RBFOX3: variants seen among roughly 807,000 people sequenced by gnomAD.
RBFOX3 encodes RNA binding fox-1 homolog 3.
A neutral mutation model predicts 48.7 loss-of-function variants in RBFOX3; 17 were observed. The ratio of observed to expected loss-of-function variants is 0.35; its 90% CI spans 0.24 to 0.52. The LOEUF (loss-of-function observed/expected upper bound fraction) is 0.52. RBFOX3 is among the 20% of genes least tolerant of loss of function. The pLI is 0.94. For missense variants in RBFOX3, 382 were observed against 497.5 expected (o/e 0.77, Z 2.21); for synonymous variants, 212 against 209.5 (o/e 1.01, Z -0.10).
rs569223324 is a variant in RBFOX3 at position 79,443,294 on chromosome 17, G to C, written c.-175+39160C>G. Among the ~76,000 whole-genome samples the C allele has an allele frequency of 7.2e-5, 11 of 152,380 alleles. No individual in the cohort carries two copies. In the South Asian group the frequency reaches 2.3e-3, roughly 32 times the overall value. On this transcript the variant is annotated intron_variant, in intron 2 of 14. Coordinates refer to ENST00000693108, the MANE Select transcript of RBFOX3 (RefSeq NM_001350451.2). The surrounding 1 kb of genome is among the most constrained non-coding windows in gnomAD (Gnocchi z 4.4). ...CTCTGCCACCGGCCTCGCCACGGGG[G>C]AGACCAGGCCAAGGCCTTGCCAAAC...
chr17:79,090,923 C>A, intron 14 of RBFOX3, 38 bp from the exon 15 acceptor site: 1 of 1,528,064 alleles, frequency 6.5e-7, no homozygotes. Context: ...TGCAGCTTCT[C>A]GGGGGAGGCA....
intron 2 of RBFOX3, among the ~76,000 whole-genome samples, chr17:79,408,852 T>G (rs746489826): frequency 6.6e-6 from 1 of 152,232 alleles, no homozygotes; most frequent in Non-Finnish European, 1.5e-5. Flanking sequence ...AAATTCACAT[T>G]ACACCAAATT....
At chr17:79,403,346 A>G (rs1027134556) in intron 2 of RBFOX3, among the ~76,000 whole-genome samples, 28 of 152,304 alleles carry the variant, frequency 1.8e-4, no homozygotes, top group Admixed American at 1.5e-3. Flanking sequence ...GCTGCCCCTG[A>G]GGTCAGGGAT....
chr17:79,288,228 G>A (rs1051220249), intron 3 of RBFOX3, among the ~76,000 whole-genome samples: 10 of 152,174 alleles, frequency 6.6e-5, no homozygotes, highest in Non-Finnish European at 2.9e-5. Flanking sequence ...CGGGGCCAGG[G>A]AAGCTCACCA....
chr17:79,093,474 C>T (rs970791094), intron 14 of RBFOX3, among the ~76,000 whole-genome samples: 19 of 151,694 alleles, frequency 1.3e-4, no homozygotes, highest in Admixed American at 3.3e-4. Flanking sequence ...CGGGTGGGGC[C>T]GCACCAGACC....
At chr17:79,176,108 A>G (rs916759226) in intron 4 of RBFOX3, among the ~76,000 whole-genome samples, 3 of 152,194 alleles carry the variant, frequency 2.0e-5, no homozygotes, top group African/African-American at 2.4e-5. Flanking sequence ...CGGCAGCTCC[A>G]GGAGGAATTT....
At position 79,349,429 on chromosome 17, in the gene RBFOX3, C is replaced by T. The variant is rs76352768; in HGVS notation, c.-174-41605G>A. On this transcript the variant is annotated intron_variant, in intron 2 of 14. Transcript: ENST00000693108. Reference sequence around the variant, plus strand: ...TCCTGCTTCTGTCTGTCACCTCTCACTCTCCTCCTCACTTCTCCCACCTTC... The same window carrying T: ...TCCTGCTTCTGTCTGTCACCTCTCATTCTCCTCCTCACTTCTCCCACCTTC... 5.5e-3 allele frequency among the ~76,000 whole-genome samples: 844 copies of T among 152,120 alleles called. 4 individuals carry two copies. Among genetic ancestry groups the T allele is most frequent in the African/African-American group, 0.019 (768 of 41,506 alleles).
At chr17:79,513,246 A>G (rs1370191917) in intron 1 of RBFOX3, among the ~76,000 whole-genome samples, 13 of 146,794 alleles carry the variant, frequency 8.9e-5, no homozygotes, top group South Asian at 6.8e-4. Context: ...CATCAGGTAC[A>G]GCCCCATGGC....
Position 79,479,574 on chromosome 17 carries a change from G to A in RBFOX3, c.-175+2880C>T, listed in dbSNP as rs1598876572. 6.6e-6 allele frequency among the ~76,000 whole-genome samples: 1 copy of A among 152,224 alleles called. No individual in the cohort carries two copies. The highest frequency in any genetic ancestry group is 1.5e-5 in the Non-Finnish European group (1 of 68,044). On this transcript the variant is annotated intron_variant, in intron 2 of 14. Coordinates refer to ENST00000693108, the MANE Select transcript of RBFOX3 (RefSeq NM_001350451.2). The surrounding 1 kb of genome is among the most constrained non-coding windows in gnomAD (Gnocchi z 5.1). ...ACACCTTTGGAATCAACAAGGGGCT[G>A]GACAGTGAACACACCGAGGGAAGCA...
chr17:79,261,543 C>A (rs1002080078), intron 3 of RBFOX3, among the ~76,000 whole-genome samples: 1 of 152,214 alleles, frequency 6.6e-6, no homozygotes, highest in Non-Finnish European at 1.5e-5. Context: ...TCTCTCTCCC[C>A]GGCACAGGAT....
intron 4 of RBFOX3, among the ~76,000 whole-genome samples, chr17:79,209,256 C>A (rs1376144357): frequency 6.6e-6 from 1 of 152,192 alleles, no homozygotes; most frequent in African/African-American, 2.4e-5. Flanking sequence ...AGGAGCAGGC[C>A]AGTGCCTCCT....
chr17:79,586,796 C>A (rs1393470130), intron 1 of RBFOX3, among the ~76,000 whole-genome samples: 1 of 152,202 alleles, frequency 6.6e-6, no homozygotes, highest in African/African-American at 2.4e-5. Context: ...TATTCTCCTG[C>A]AGCTTTTCAA....
intron 2 of RBFOX3, among the ~76,000 whole-genome samples, chr17:79,340,298 CA>C (rs57048189): frequency 1.3e-4 from 15 of 117,722 alleles, no homozygotes; most frequent in South Asian, 2.6e-4. Flanking sequence ...GACTCCATCT[CA>C]AAAAAAAAAA....
At chr17:79,505,347 A>C (rs1437435598) in intron 1 of RBFOX3, among the ~76,000 whole-genome samples, 1 of 152,122 alleles carries the variant, frequency 6.6e-6, no homozygotes, top group Admixed American at 6.5e-5. Context: ...CAGTCCACGA[A>C]CAACAGAGGT....
intron 1 of RBFOX3, among the ~76,000 whole-genome samples, chr17:79,491,029 GA>G (rs2080430296): frequency 1.0e-5 from 1 of 98,730 alleles, no homozygotes; most frequent in Non-Finnish European, 2.0e-5. Flanking sequence ...GTGAATCGGA[GA>G]GGAGAGGGGA....
rs2057437882 is a variant in RBFOX3, at chr17:79,364,514, G to A, written c.-174-56690C>T. On this transcript the variant is annotated intron_variant, in intron 2 of 14. Coordinates refer to ENST00000693108, the MANE Select transcript of RBFOX3 (RefSeq NM_001350451.2). The surrounding 1 kb of genome is among the most constrained non-coding windows in gnomAD (Gnocchi z 5.1). Reference sequence around the variant, plus strand: ...CGTCTCCCAGGCATCTGATGGGTCAGTGCGCAGTTAATGAGTGTGTTGACT... The same window carrying A: ...CGTCTCCCAGGCATCTGATGGGTCAATGCGCAGTTAATGAGTGTGTTGACT... 6.6e-6 allele frequency among the ~76,000 whole-genome samples: 1 copy of A among 152,236 alleles called. No individual in the cohort carries two copies. Among genetic ancestry groups the A allele is most frequent in the South Asian group, 2.1e-4 (1 of 4,830 alleles).
intron 3 of RBFOX3, among the ~76,000 whole-genome samples, chr17:79,267,285 T>G (rs2066874574): frequency 6.6e-6 from 1 of 152,194 alleles, no homozygotes; most frequent in South Asian, 2.1e-4. Context: ...CTTTAGGGCC[T>G]TCAGTGCCTC....
At chr17:79,270,045 G>A (rs560052969) in intron 3 of RBFOX3, among the ~76,000 whole-genome samples, 1 of 152,054 alleles carries the variant, frequency 6.6e-6, no homozygotes, top group Admixed American at 6.5e-5. Flanking sequence ...CCCCCTCTGC[G>A]AATCACTCCC....
At chr17:79,514,313 C>T (rs937898178) in intron 1 of RBFOX3, among the ~76,000 whole-genome samples, 57 of 152,312 alleles carry the variant, frequency 3.7e-4, no homozygotes, top group African/African-American at 1.1e-3. Context: ...CCTGGGTATC[C>T]GACACACGGG....
Sources: allele counts gnomAD v4.1 joint callset (sites outside exome capture counted in the v4.1 genomes callset), GRCh38; gene constraint gnomAD v4.1.1; non-coding constraint Gnocchi (gnomAD v3.1); transcripts MANE v1.5; gene names NCBI Gene and HGNC (gene_info 2026-07-23, HGNC 2026-07-21).